SLC39A11: variants seen among roughly 807,000 people sequenced by gnomAD.
The protein encoded by SLC39A11 is solute carrier family 39 member 11.
In SLC39A11, 33 loss-of-function variants were observed where a neutral mutation model predicts 36.1. That is an observed-to-expected ratio of 0.91 (90% CI 0.69 to 1.22). The LOEUF is 1.22. SLC39A11 is among the 50% of genes most tolerant of loss of function. The probability of loss-of-function intolerance (pLI) is 0.00; values close to 1 mark genes in which losing one functional copy is unlikely to be tolerated. For missense variants in SLC39A11, 432 were observed against 430.3 expected (o/e 1.00, Z -0.03); for synonymous variants, 166 against 170.3 (o/e 0.97, Z 0.20).
At chr17:72,991,536 T>G (rs903991633) in intron 4 of SLC39A11, among the ~76,000 whole-genome samples, 7 of 152,086 alleles carry the variant, frequency 4.6e-5, no homozygotes, top group African/African-American at 1.7e-4. Flanking sequence ...TTTTGTATTT[T>G]TATTAGAGAT....
chr17:73,046,409 G>T (rs886192900), intron 3 of SLC39A11, among the ~76,000 whole-genome samples: 1 of 152,168 alleles, frequency 6.6e-6, no homozygotes, highest in Non-Finnish European at 1.5e-5. Flanking sequence ...AGGAGGTAAG[G>T]AGTGATGGGG....
chr17:72,972,172 G>A (rs1483002425), intron 4 of SLC39A11, among the ~76,000 whole-genome samples: 1 of 152,156 alleles, frequency 6.6e-6, no homozygotes, highest in Non-Finnish European at 1.5e-5. Context: ...ATATCCCACA[G>A]AATAGAAAAG....
rs199922339 is a variant in SLC39A11 at position 72,916,407 on chromosome 17, AG to A, written c.430+31344del. ...CCAATGAGCACAGCTGGGAGTCCTC[AG>A]GGCCAGTCCCAGGAGTTCATCAAAG... On this transcript the variant is annotated intron_variant, in intron 5 of 9. Coordinates refer to ENST00000255559, the MANE Select transcript of SLC39A11 (RefSeq NM_139177.4). 8.2e-3 allele frequency among the ~76,000 whole-genome samples: 1,254 copies of A among 152,228 alleles called. 15 individuals are homozygous for A. Among genetic ancestry groups the A allele is most frequent in the African/African-American group, 0.029 (1,186 of 41,544 alleles).
chr17:72,802,128 T>A (rs777306034), intron 6 of SLC39A11, among the ~76,000 whole-genome samples: 5 of 152,194 alleles, frequency 3.3e-5, no homozygotes, highest in African/African-American at 1.2e-4. Flanking sequence ...CTGGCTTCCC[T>A]GTGTGATATC....
chr17:72,781,126 A>T (rs1300404716), intron 6 of SLC39A11, among the ~76,000 whole-genome samples: 1 of 152,152 alleles, frequency 6.6e-6, no homozygotes, highest in Admixed American at 6.5e-5. Context: ...CACTTATTTT[A>T]CCATCACTAA....
At chr17:73,045,544 G>A (rs769007389) in intron 3 of SLC39A11, among the ~76,000 whole-genome samples, 2 of 152,010 alleles carry the variant, frequency 1.3e-5, no homozygotes, top group Non-Finnish European at 2.9e-5. Flanking sequence ...AGCTCCCATT[G>A]GCAATGATCT....
intron 4 of SLC39A11, among the ~76,000 whole-genome samples, chr17:73,016,303 T>C (rs1191213923): frequency 2.0e-5 from 3 of 151,980 alleles, no homozygotes; most frequent in African/African-American, 7.3e-5. Context: ...TTCTCCTAAA[T>C]GAGACTCTCA....
At chr17:72,824,877 A>T (rs1435783883) in intron 6 of SLC39A11, among the ~76,000 whole-genome samples, 1 of 151,344 alleles carries the variant, frequency 6.6e-6, no homozygotes, top group Admixed American at 6.6e-5. Context: ...GCATATGGTC[A>T]TATGTGTGAG....
At chr17:72,662,130 G>A (rs12952000) in intron 7 of SLC39A11, among the ~76,000 whole-genome samples, 48,189 of 151,840 alleles carry the variant, frequency 0.32, 7,697 homozygotes, top group African/African-American at 0.35. Context: ...TAAACTGGGC[G>A]CAGTGGTTCG....
chr17:72,737,282 A>T (rs75025979), intron 6 of SLC39A11, among the ~76,000 whole-genome samples: 3 of 123,644 alleles, frequency 2.4e-5, no homozygotes, highest in Non-Finnish European at 3.8e-5. Context: ...TCTCAAAAAA[A>T]AAAAAATAAA....
intron 5 of SLC39A11, among the ~76,000 whole-genome samples, chr17:72,867,627 TA>T (rs957397811): frequency 1.1e-4 from 16 of 151,876 alleles, no homozygotes; most frequent in Non-Finnish European, 1.0e-4. Context: ...ACTGAAGTAC[TA>T]AAAAAGGAAA....
chr17:72,683,065 T>A (rs935746164), intron 7 of SLC39A11, among the ~76,000 whole-genome samples: 1 of 152,220 alleles, frequency 6.6e-6, no homozygotes, highest in African/African-American at 2.4e-5. Context: ...TTTACTGTCA[T>A]GTGGCAAGGT....
intron 7 of SLC39A11, among the ~76,000 whole-genome samples, chr17:72,714,141 A>G (rs559904811): frequency 1.1e-3 from 166 of 152,234 alleles, no homozygotes; most frequent in African/African-American, 3.7e-3. Context: ...GGATGACCTG[A>G]AGTCAGGAGT....
At chr17:72,966,379 C>G (rs1409324300) in intron 4 of SLC39A11, among the ~76,000 whole-genome samples, 1 of 152,080 alleles carries the variant, frequency 6.6e-6, no homozygotes, top group Admixed American at 6.6e-5. Flanking sequence ...TACCGCCCCC[C>G]ACAGAGGGAG....
chr17:72,909,746 TTTTC>T (rs1235420730), intron 5 of SLC39A11, among the ~76,000 whole-genome samples: 56 of 100,474 alleles, frequency 5.6e-4, no homozygotes, highest in Non-Finnish European at 1.2e-3. Context: ...TTTTTTTCTT[TTTTC>T]TTTTTTTTTT....
At chr17:73,044,556 A>T (rs1476377650) in intron 3 of SLC39A11, among the ~76,000 whole-genome samples, 1 of 152,136 alleles carries the variant, frequency 6.6e-6, no homozygotes, top group Non-Finnish European at 1.5e-5. Context: ...AGGGACTAGG[A>T]GCTCTTTCAG....
intron 2 of SLC39A11, among the ~76,000 whole-genome samples, chr17:73,086,470 T>C (rs1462527635): frequency 6.6e-6 from 1 of 152,164 alleles, no homozygotes; most frequent in Non-Finnish European, 1.5e-5. Context: ...ATGAGCTCTA[T>C]GGACATTCTT....
intron 6 of SLC39A11, among the ~76,000 whole-genome samples, chr17:72,786,351 G>C (rs896429499): frequency 1.3e-5 from 2 of 152,162 alleles, no homozygotes; most frequent in African/African-American, 4.8e-5. Context: ...CACAGCCTAT[G>C]CCAACAAAAT....
chr17:72,882,028 A>G (rs1433937316), intron 5 of SLC39A11, among the ~76,000 whole-genome samples: 1 of 152,188 alleles, frequency 6.6e-6, no homozygotes, highest in African/African-American at 2.4e-5. Context: ...ACTCCAGAAT[A>G]TGACATTCTG....
Sources: gnomAD v4.1 joint callset for allele counts (sites outside exome capture counted in the v4.1 genomes callset) on GRCh38, gnomAD v4.1.1 for gene constraint, MANE v1.5 for transcripts, NCBI Gene and HGNC (gene_info 2026-07-23, HGNC 2026-07-21) for gene names.